The following SNTG1 variants were observed in gnomAD, a reference collection of about 807,000 sequenced individuals.
SNTG1 encodes syntrophin gamma 1, also known as gamma-1-syntrophin.
In SNTG1, 39 loss-of-function variants were observed where a neutral mutation model predicts 74.7. That is an observed-to-expected ratio of 0.52 (90% CI 0.40 to 0.68). SNTG1 has a LOEUF of 0.68. SNTG1 is among the 30% of genes least tolerant of loss of function. The pLI, the probability that SNTG1 is intolerant of heterozygous loss-of-function variation, is 0.00. For synonymous variants in SNTG1, 254 were observed against 217.1 expected (o/e 1.17, Z -1.49); for missense variants, 685 against 609.5 (o/e 1.12, Z -1.30).
At chr8:50,180,047 A>G (rs1193462923) in intron 2 of SNTG1, among the ~76,000 whole-genome samples, 1 of 152,236 alleles carries the variant, frequency 6.6e-6, no homozygotes, top group African/African-American at 2.4e-5. Flanking sequence ...TCATAGATGG[A>G]TGAATGGATA....
At chr8:50,651,352 A>G (rs1226877841) in intron 13 of SNTG1, among the ~76,000 whole-genome samples, 1 of 152,106 alleles carries the variant, frequency 6.6e-6, no homozygotes, top group Non-Finnish European at 1.5e-5. Flanking sequence ...AAAAAAATGC[A>G]TATATATAAG....
At chr8:50,032,215 A>G (rs1172008259) in intron 1 of SNTG1, among the ~76,000 whole-genome samples, 2 of 151,874 alleles carry the variant, frequency 1.3e-5, no homozygotes, top group African/African-American at 2.4e-5. Flanking sequence ...AGATGTGTCC[A>G]TTCTATTGAT....
At chr8:50,684,826 C>CACA (rs1351669448) in intron 15 of SNTG1, among the ~76,000 whole-genome samples, 1 of 148,472 alleles carries the variant, frequency 6.7e-6, no homozygotes, top group Admixed American at 6.8e-5. Context: ...CATGCTGGTG[C>CACA]GCTGCACCCA....
intron 1 of SNTG1, among the ~76,000 whole-genome samples, chr8:49,961,666 C>T (rs1019598281): frequency 2.6e-5 from 4 of 152,158 alleles, no homozygotes; most frequent in African/African-American, 9.7e-5. Context: ...CGAGAATATG[C>T]CTGATATACT....
intron 11 of SNTG1, among the ~76,000 whole-genome samples, chr8:50,552,828 A>C (rs368648442): frequency 3.9e-5 from 6 of 152,298 alleles, no homozygotes; most frequent in African/African-American, 1.4e-4. Flanking sequence ...AGTTACCTGA[A>C]TCTAAAGATG....
rs79227013 is a variant in SNTG1, at chr8:50,548,624, C to G, written c.681-4426C>G. 7.2e-3 allele frequency among the ~76,000 whole-genome samples: 915 copies of G among 126,502 alleles called. 22 individuals are homozygous for G. Among genetic ancestry groups the G allele is most frequent in the East Asian group, 0.06 (288 of 4,822 alleles). The allele number at this position is 126,502 out of a possible 152,430, so 83.0% of individuals were successfully genotyped here. A position where few individuals can be genotyped will look rare whatever the true frequency, so the allele number is the denominator to read the frequency against. On this transcript the variant is annotated intron_variant, in intron 11 of 18. Coordinates refer to ENST00000642720, the MANE Select transcript of SNTG1 (RefSeq NM_018967.5). ...GGCTTTTCCTTCAAGGAGCTAGCAG[C>G]TTGGTAAGATCGAACAGTATTTAGC...
intron 1 of SNTG1, among the ~76,000 whole-genome samples, chr8:50,043,544 G>A (rs184485712): frequency 2.6e-5 from 4 of 152,266 alleles, no homozygotes; most frequent in East Asian, 3.9e-4. Context: ...AGAGTTGCAG[G>A]AGTAAACTGT....
chr8:50,026,518 G>A (rs1055864526), intron 1 of SNTG1, among the ~76,000 whole-genome samples: 4 of 152,108 alleles, frequency 2.6e-5, no homozygotes, highest in Non-Finnish European at 5.9e-5. Flanking sequence ...CCATACTCCT[G>A]TCCCTAAGAC....
chr8:50,428,771 C>A (rs762965534), intron 4 of SNTG1, among the ~76,000 whole-genome samples: 8 of 151,844 alleles, frequency 5.3e-5, no homozygotes, highest in Non-Finnish European at 1.0e-4. Flanking sequence ...AGGAAAGGGC[C>A]TTTTTTTGTA....
At chr8:50,113,701 T>A (rs1274574970) in intron 1 of SNTG1, among the ~76,000 whole-genome samples, 1 of 152,204 alleles carries the variant, frequency 6.6e-6, no homozygotes, top group Non-Finnish European at 1.5e-5. Context: ...GCCCATTCAG[T>A]ATGCAATTGG....
intron 15 of SNTG1, among the ~76,000 whole-genome samples, chr8:50,669,885 A>G (rs2131336472): frequency 6.6e-6 from 1 of 152,340 alleles, no homozygotes; most frequent in East Asian, 1.9e-4. Context: ...GGCTGGTTCA[A>G]TATAGGCAAA....
At chr8:50,438,697 G>A in intron 5 of SNTG1, 98 bp downstream of exon 5, 1 of 1,004,406 alleles carries the variant, frequency 1.0e-6, no homozygotes, top group Non-Finnish European at 1.5e-6. Context: ...AGACAAGGAT[G>A]GCTATAGCAA....
chr8:50,034,487 T>A (rs1817985379), intron 1 of SNTG1, among the ~76,000 whole-genome samples: 1 of 152,176 alleles, frequency 6.6e-6, no homozygotes, highest in Non-Finnish European at 1.5e-5. Flanking sequence ...TTCCTTTGTT[T>A]GAAATTCCTA....
intron 1 of SNTG1, among the ~76,000 whole-genome samples, chr8:50,172,332 G>T (rs1285066694): frequency 6.6e-6 from 1 of 152,052 alleles, no homozygotes; most frequent in African/African-American, 2.4e-5. Flanking sequence ...TTAATCTTGT[G>T]GCATTAGTCA....
intron 8 of SNTG1, among the ~76,000 whole-genome samples, chr8:50,493,366 T>C (rs1039893352): frequency 6.6e-6 from 1 of 152,196 alleles, no homozygotes; most frequent in Non-Finnish European, 1.5e-5. Flanking sequence ...CTTCAAACCG[T>C]TTAGGAAACT....
At chr8:50,608,182 A>G (rs2094826342) in intron 13 of SNTG1, among the ~76,000 whole-genome samples, 1 of 151,676 alleles carries the variant, frequency 6.6e-6, no homozygotes, top group African/African-American at 2.4e-5. Context: ...CTATTTTGGA[A>G]TCAATAGTAT....
rs71235311 is a variant in SNTG1, at chr8:50,601,152, C to CAAAAA, written c.849+10263_849+10267dup. ...CAGCCTGGTGACAGAGCCAGCGAGACAAAAAAAAAAAAAAAAAAAAAAAAA... is the reference window on the plus strand; with the variant it reads ...CAGCCTGGTGACAGAGCCAGCGAGACAAAAAAAAAAAAAAAAAAAAAAAAAAAAAA... On this transcript the variant is annotated intron_variant, in intron 13 of 18. Transcript: ENST00000642720. 4.8e-3 allele frequency among the ~76,000 whole-genome samples: 152 copies of CAAAAA among 31,462 alleles called. 10 individuals carry two copies. The highest frequency in any genetic ancestry group is 6.5e-3 in the African/African-American group (33 of 5,080). The allele number at this position is 31,462 out of a possible 152,430, so 20.6% of individuals were successfully genotyped here.
chr8:50,075,193 T>A (rs1015906026), intron 1 of SNTG1, among the ~76,000 whole-genome samples: 1 of 152,174 alleles, frequency 6.6e-6, no homozygotes, highest in Non-Finnish European at 1.5e-5. Flanking sequence ...CAATGGGAGC[T>A]GTCCCCTGCT....
chr8:50,653,826 G>T (rs1563698279), intron 13 of SNTG1, among the ~76,000 whole-genome samples: 1 of 152,104 alleles, frequency 6.6e-6, no homozygotes, highest in South Asian at 2.1e-4. Flanking sequence ...AATGTAGATG[G>T]TATTTGCCTC....
Sources: gnomAD v4.1 joint callset for allele counts (sites outside exome capture counted in the v4.1 genomes callset) on GRCh38, gnomAD v4.1.1 for gene constraint, MANE v1.5 for transcripts, NCBI Gene and HGNC (gene_info 2026-07-23, HGNC 2026-07-21) for gene names.